The following FRMD1 variants were observed in gnomAD, a reference collection of about 807,000 sequenced individuals.
The protein encoded by FRMD1 is FERM domain-containing protein 1.
In FRMD1, 51 loss-of-function variants were observed where a neutral mutation model predicts 54.9. That is an observed-to-expected ratio of 0.93 (90% CI 0.74 to 1.17). The LOEUF is 1.17. Ranked by LOEUF, FRMD1 falls within the 50% of genes most tolerant of loss-of-function variation. The pLI, the probability that FRMD1 is intolerant of heterozygous loss-of-function variation, is 0.00. For missense variants in FRMD1, 729 were observed against 743.0 expected, an observed-to-expected ratio of 0.98 and a Z score of 0.22; for synonymous variants, 324 against 306.4, an observed-to-expected ratio of 1.06 and a Z score of -0.60.
rs376385156 is a variant in FRMD1 at position 168,059,182 on chromosome 6, C to A, written c.1349G>T (p.Arg450Leu). The change falls in exon 10 of 11, where the codon CGT becomes CTT. Residue 450 changes from arginine to leucine, a missense_variant. Physicochemically the swap from Arg to Leu is moderately radical, Grantham distance 102. Coordinates refer to ENST00000283309, the MANE Select transcript of FRMD1 (RefSeq NM_024919.6). The surrounding 1 kb of genome is among the most constrained non-coding windows in gnomAD (Gnocchi z 4.4). ...PSTRGDSQAT[R>L]QEPCTQVRTR... ...CCTGACCTGGGTGCAGGGCTCCTGA[C>A]GAGTGGCTGTGGGAGGAGGCAGCCG... The A allele has an allele frequency of 1.3e-6, 2 of 1,585,200 alleles. No individual in the cohort carries two copies. Among genetic ancestry groups the A allele is most frequent in the Admixed American group, 3.5e-5 (2 of 57,118 alleles).
chr6:168,057,352 G>T lies in FRMD1; in HGVS notation c.1408-13C>A. The T allele has an allele frequency of 6.2e-7, 1 of 1,606,822 alleles. No homozygotes were observed. The highest frequency in any genetic ancestry group is 8.5e-7 in the Non-Finnish European group (1 of 1,179,548). ...TCATTTCCTGGATCTGCGGGGAGAG[G>T]CCATGGGATGAGGCCTGCTGCCCCC... On this transcript the variant is annotated splice_polypyrimidine_tract_variant and intron_variant, in intron 10 of 10. Coordinates refer to ENST00000283309, the MANE Select transcript of FRMD1 (RefSeq NM_024919.6).
chr6:168,065,711 G>C (rs1319408522), intron 4 of FRMD1: 2 of 986,730 alleles, frequency 2.0e-6, no homozygotes, highest in Non-Finnish European at 2.4e-6. Flanking sequence ...GTGTCTCCAG[G>C]GCTCTCCACA....
intron 2 of FRMD1, among the ~76,000 whole-genome samples, chr6:168,069,296 T>G (rs1357329629): frequency 6.6e-6 from 1 of 152,228 alleles, no homozygotes; most frequent in African/African-American, 2.4e-5. Context: ...AATAAAATCT[T>G]GTTGGTAGAC....
At chr6:168,066,353 C>T (rs1053688715) in intron 4 of FRMD1, 1 of 514,628 alleles carries the variant, frequency 1.9e-6, no homozygotes. Flanking sequence ...ACAAAATTAG[C>T]CAGGTGTGGT....
At chr6:168,070,871 G>A (rs117955228) in intron 2 of FRMD1, among the ~76,000 whole-genome samples, 3,183 of 152,314 alleles carry the variant, frequency 0.021, 61 homozygotes, top group Non-Finnish European at 0.035. Flanking sequence ...GGAGATTCTG[G>A]CGTTGGCTAC....
At chr6:168,057,467 T>C (rs1467917192) in intron 10 of FRMD1, 128 bp from the exon 11 acceptor site, 1 of 1,399,390 alleles carries the variant, frequency 7.1e-7, no homozygotes, top group Non-Finnish European at 9.6e-7. Flanking sequence ...CCGCAGTGCA[T>C]GGCCGGCCTG....
At position 168,054,980 on chromosome 6, in the gene FRMD1, CT is replaced by C. The variant is rs1456695497; in HGVS notation, c.*2116del. 4.6e-5 allele frequency: 7 copies of C among 152,326 alleles called. No homozygotes were observed. Among genetic ancestry groups the C allele is most frequent in the African/African-American group, 1.7e-4 (7 of 41,478 alleles). 9.4% of individuals were successfully genotyped at this position (152,326 alleles called of 1,614,324 possible). A position where few individuals can be genotyped will look rare whatever the true frequency, so the allele number is the denominator to read the frequency against. ...TCAGGGCAGCGGGCCTCTAATTGTC[CT>C]CTCCACATACCCTGAACACCAGAGA... On this transcript the variant is annotated 3_prime_UTR_variant, in exon 11 of 11. Transcript: ENST00000283309.
chr6:168,087,942 G>T (rs1387827442), intron 1 of FRMD1, among the ~76,000 whole-genome samples: 1 of 152,148 alleles, frequency 6.6e-6, no homozygotes, highest in Non-Finnish European at 1.5e-5. Context: ...ACCTGGGAGG[G>T]GCGGCATGAG....
intron 1 of FRMD1, among the ~76,000 whole-genome samples, chr6:168,088,929 C>A (rs1267151947): frequency 6.6e-6 from 1 of 152,292 alleles, no homozygotes; most frequent in Non-Finnish European, 1.5e-5. Flanking sequence ...CCTCCCCACT[C>A]CTTGGGCCTG....
chr6:168,057,880 G>C (rs1799494937), intron 10 of FRMD1, among the ~76,000 whole-genome samples: 1 of 152,254 alleles, frequency 6.6e-6, no homozygotes, highest in African/African-American at 2.4e-5. Context: ...AGGCAGATGA[G>C]GCCCCTGGTG....
intron 2 of FRMD1, among the ~76,000 whole-genome samples, chr6:168,068,496 A>G (rs1800152555): frequency 1.3e-5 from 2 of 152,188 alleles, no homozygotes; most frequent in African/African-American, 2.4e-5. Context: ...TACACTTTAC[A>G]TCATCTTGAG....
Position 168,061,964 on chromosome 6 carries a change from G to A in FRMD1, c.888C>T (p.Ile296=), listed in dbSNP as rs1413559661. ...GTGCTGCGGGCAGCCCATCCAGCTG[G>A]ATCTCCAGCTTCTTTCCCTGAGCAA... ...VHIYQGKKLE[I]QLDGLPAAQK... is the part of the protein sequence containing the mutation. The change falls in exon 8 of 11, where the codon ATC becomes ATT. Residue 296 remains isoleucine, a synonymous_variant. Transcript: ENST00000283309. 6 of 1,596,824 alleles carry A rather than the reference G, an allele frequency of 3.8e-6. No individual in the cohort carries two copies. Among genetic ancestry groups the A allele is most frequent in the Non-Finnish European group, 4.3e-6 (5 of 1,172,448 alleles).
At chr6:168,066,033 A>G in intron 4 of FRMD1, 1 of 999,988 alleles carries the variant, frequency 1.0e-6, no homozygotes, top group Non-Finnish European at 1.2e-6. Flanking sequence ...TGTACAACTT[A>G]CCCACTCCTG....
At chr6:168,066,625 T>C in intron 4 of FRMD1, 130 bp downstream of exon 4, 2 of 1,435,984 alleles carry the variant, frequency 1.4e-6, no homozygotes, top group Non-Finnish European at 1.8e-6. Flanking sequence ...GCCGATATAG[T>C]GGGGTTGTTT....
intron 4 of FRMD1, chr6:168,065,798 C>A (rs1158139446): frequency 1.4e-5 from 14 of 998,642 alleles, no homozygotes; most frequent in African/African-American, 1.7e-5. Context: ...TTCCACACAA[C>A]CGCACACATG....
intron 1 of FRMD1, chr6:168,075,602 C>A: frequency 1.3e-6 from 1 of 766,530 alleles, no homozygotes; most frequent in Non-Finnish European, 2.2e-6. Context: ...CCCTGTCTGT[C>A]TCTGGTGTGA....
intron 1 of FRMD1, chr6:168,075,691 C>A (rs1217975404): frequency 7.0e-7 from 1 of 1,435,244 alleles, no homozygotes; most frequent in Admixed American, 2.0e-5. Flanking sequence ...CCTCGCACGG[C>A]ACAAATGAAT....
intron 10 of FRMD1, among the ~76,000 whole-genome samples, chr6:168,058,882 C>T (rs983105206): frequency 2.0e-5 from 3 of 152,158 alleles, no homozygotes; most frequent in African/African-American, 7.2e-5. Context: ...CCAGGCAGGA[C>T]CCCTCCCTCC....
chr6:168,061,852 C>A lies in FRMD1; in HGVS notation c.1000G>T (p.Val334Leu). The change falls in exon 8 of 11, where the codon GTG becomes TTG. Residue 334 changes from valine (V) to leucine (L), a missense_variant. Physicochemically the swap from Val to Leu is conservative, Grantham distance 32 (BLOSUM62 1). Transcript: ENST00000283309. ...LRASHQLHLR[V>L]RPTLQQLRQR... ...CGCAGCTGTTGCAGAGTGGGCCGCA[C>A]GCGGAGGTGGAGCTGGTGGCTGGCG... 1 of 1,576,666 alleles carries A rather than the reference C, an allele frequency of 6.3e-7. No individual in the cohort carries two copies. Among genetic ancestry groups the A allele is most frequent in the East Asian group, 2.3e-5 (1 of 42,756 alleles).
Sources: gnomAD v4.1 joint callset for allele counts (sites outside exome capture counted in the v4.1 genomes callset) on GRCh38, gnomAD v4.1.1 for gene constraint, Gnocchi (gnomAD v3.1) non-coding constraint, MANE v1.5 for transcripts, NCBI Gene and HGNC (gene_info 2026-07-23, HGNC 2026-07-21) for gene names.